Variants in PRR5L observed in about 807,000 individuals in gnomAD.
PRR5L encodes the protein proline-rich protein 5-like.
Under a neutral mutation model 36.4 loss-of-function variants are expected in PRR5L, and 21 were observed. That is an observed-to-expected ratio of 0.58 (90% confidence interval 0.41 to 0.83). PRR5L has a LOEUF of 0.83. PRR5L is among the 40% of genes least tolerant of loss of function. The pLI is 0.00. For missense variants in PRR5L, 381 were observed against 473.3 expected (o/e 0.80, Z 1.81); for synonymous variants, 188 against 197.0 (o/e 0.95, Z 0.38).
intron 5 of PRR5L, 115 bp from the exon 6 acceptor site, chr11:36,437,270 T>G: frequency 2.5e-6 from 2 of 808,838 alleles, no homozygotes; most frequent in South Asian, 1.3e-5. Context: ...TGGCTGCAAG[T>G]TTTTTAGCAT....
At position 36,464,922 on chromosome 11, in the gene PRR5L, G is replaced by A. The variant is rs977040255; in HGVS notation, c.*2186G>A. 5 of 152,058 alleles carry A rather than the reference G, an allele frequency of 3.3e-5. No homozygotes were observed. The highest frequency in any genetic ancestry group is 1.2e-4 in the African/African-American group (5 of 41,414). The allele number at this position is 152,058 out of a possible 1,614,324, so 9.4% of individuals were successfully genotyped here. ...AGCCAGTTTACAACTTTTTACCATC[G>A]ATGTACACATTTGATATTTGTGCAG... On this transcript the variant is annotated 3_prime_UTR_variant, in exon 9 of 9. Transcript: ENST00000530639.
At chr11:36,338,090 C>G (rs1442836405) in intron 1 of PRR5L, among the ~76,000 whole-genome samples, 1 of 152,146 alleles carries the variant, frequency 6.6e-6, no homozygotes, top group Non-Finnish European at 1.5e-5. Context: ...ACCCAGCTAC[C>G]AGTAAGGCTG....
In PRR5L at chr11:36,454,176, G is replaced by A. The variant is rs11033627; in HGVS notation, c.712+2841G>A. On this transcript the variant is annotated intron_variant, in intron 8 of 8. Coordinates refer to ENST00000530639, the MANE Select transcript of PRR5L (RefSeq NM_001160167.2). ...TATCAGCTGCCCCACATGCTCTACC[G>A]CCACCCCCACCCCCACTGACCGCTG... is the stretch of plus-strand genomic sequence containing the variant. 528 of 152,278 alleles carry A rather than the reference G, an allele frequency of 3.5e-3. 1 individual carries two copies. Among genetic ancestry groups the A allele is most frequent in the Non-Finnish European group, 3.9e-3 (263 of 68,222 alleles). The allele number at this position is 152,278 out of a possible 1,614,324, so 9.4% of individuals were successfully genotyped here.
chr11:36,437,336 C>T (rs570027538), intron 5 of PRR5L, 49 bp from the exon 6 acceptor site: 35 of 1,216,192 alleles, frequency 2.9e-5, no homozygotes, highest in Middle Eastern at 3.8e-4. Context: ...CAAGTAATGA[C>T]GAATTCTTTT....
At chr11:36,365,971 A>G (rs1322414212) in intron 1 of PRR5L, among the ~76,000 whole-genome samples, 1 of 152,208 alleles carries the variant, frequency 6.6e-6, no homozygotes, top group African/African-American at 2.4e-5. Flanking sequence ...TCCTCTGTTC[A>G]CTTTCTGCTC....
chr11:36,358,641 C>T lies in PRR5L; in HGVS notation c.-125-42356C>T, dbSNP rs147609271. 5.3e-5 allele frequency among the ~76,000 whole-genome samples: 8 copies of T among 152,156 alleles called. No individual in the cohort carries two copies. The East Asian group carries it at 1.5e-3, about 29-fold the overall frequency. Reference sequence around the variant, plus strand: ...TTCACTTTATTGCTATGGTCTGGAACCAAACCTGCAATATCTCCAAGGTAC... The same window carrying T: ...TTCACTTTATTGCTATGGTCTGGAATCAAACCTGCAATATCTCCAAGGTAC... On this transcript the variant is annotated intron_variant, in intron 1 of 8. Transcript: ENST00000530639.
intron 1 of PRR5L, among the ~76,000 whole-genome samples, chr11:36,299,045 A>C (rs1856345184): frequency 6.6e-6 from 1 of 152,164 alleles, no homozygotes; most frequent in East Asian, 1.9e-4. Flanking sequence ...TCATCATATA[A>C]ATTTTGGGAG....
intron 1 of PRR5L, chr11:36,349,825 C>T (rs900992292): frequency 6.6e-6 from 1 of 152,202 alleles, no homozygotes; most frequent in Non-Finnish European, 1.5e-5. Context: ...TACTGCTCTC[C>T]TAGCTGCAGG....
chr11:36,420,326 G>A (rs1052073356), intron 4 of PRR5L, among the ~76,000 whole-genome samples: 1 of 152,218 alleles, frequency 6.6e-6, no homozygotes, highest in Non-Finnish European at 1.5e-5. Flanking sequence ...TACGTAGTGT[G>A]TAGGGGGGCA....
At chr11:36,440,824 G>A (rs578238342) in intron 6 of PRR5L, among the ~76,000 whole-genome samples, 2 of 152,320 alleles carry the variant, frequency 1.3e-5, no homozygotes, top group African/African-American at 4.8e-5. Flanking sequence ...CAACAGGGGA[G>A]CCAGTGTATC....
intron 1 of PRR5L, among the ~76,000 whole-genome samples, chr11:36,310,975 A>ACAGAG (rs1245072611): frequency 7.1e-6 from 1 of 140,440 alleles, no homozygotes; most frequent in Non-Finnish European, 1.5e-5. Context: ...CTGCCTGGTG[A>ACAGAG]CAGAGTGAGA....
rs550901713 is a variant in PRR5L at position 36,344,783 on chromosome 11, G to A, written c.-126+48345G>A. Among the ~76,000 whole-genome samples, 1 of 152,256 alleles carries A rather than the reference G, an allele frequency of 6.6e-6. No homozygotes were observed. The highest frequency in any genetic ancestry group is 2.4e-5 in the African/African-American group (1 of 41,548). ...TGAGGATTCTGACTGAGAATGAACT[G>A]ACCAGCCATCAGGTTTAATTAGTGC... On this transcript the variant is annotated intron_variant, in intron 1 of 8. Coordinates refer to ENST00000530639, the MANE Select transcript of PRR5L (RefSeq NM_001160167.2). This position sits in a 1 kb window ranked among gnomAD's most constrained non-coding sequence, Gnocchi z 4.1.
chr11:36,401,333 G>A, intron 2 of PRR5L, 48 bp downstream of exon 2: 1 of 1,579,012 alleles, frequency 6.3e-7, no homozygotes, highest in South Asian at 1.1e-5. Context: ...AAGGGCCATG[G>A]CAGGGAGGGA....
At chr11:36,412,157 A>G (rs1428874321) in intron 3 of PRR5L, among the ~76,000 whole-genome samples, 1 of 152,178 alleles carries the variant, frequency 6.6e-6, no homozygotes, top group Non-Finnish European at 1.5e-5. Flanking sequence ...GCCAGGATGC[A>G]GAGCCAGGCA....
intron 1 of PRR5L, among the ~76,000 whole-genome samples, chr11:36,345,888 TA>T (rs1344475208): frequency 6.6e-6 from 1 of 152,210 alleles, no homozygotes; most frequent in African/African-American, 2.4e-5. Flanking sequence ...TTCTGTTTCC[TA>T]AAAGTATAAT....
rs565630307 is a variant in PRR5L at position 36,391,864 on chromosome 11, T to C, written c.-125-9133T>C. Among the ~76,000 whole-genome samples the C allele has an allele frequency of 1.8e-4, 28 of 152,380 alleles. 1 individual carries two copies. The South Asian group carries it at 5.0e-3, about 27-fold the overall frequency. ...TTATATTCTTAGTTATTTTAAAATA[T>C]AGTTGACTGTAGTCACCCTATTGTG... On this transcript the variant is annotated intron_variant, in intron 1 of 8. Coordinates refer to ENST00000530639, the MANE Select transcript of PRR5L (RefSeq NM_001160167.2).
intron 1 of PRR5L, chr11:36,380,376 C>T (rs1857347439): frequency 6.6e-6 from 1 of 151,944 alleles, no homozygotes. Context: ...CCTCCCGATG[C>T]CTTCTGCTGC....
In PRR5L at chr11:36,342,092, TG is replaced by T. The variant is rs550493096; in HGVS notation, c.-126+45657del. ...ACGTCTTGATGGAGGCAGATCTTTT[TG>T]GGAGGATACAGCAGACTCAAGGTGG... On this transcript the variant is annotated intron_variant, in intron 1 of 8. Transcript: ENST00000530639. Among the ~76,000 whole-genome samples, 33 of 152,254 alleles carry T rather than the reference TG, an allele frequency of 2.2e-4. No homozygotes were observed. In the East Asian group the frequency reaches 5.6e-3, roughly 26 times the overall value.
At chr11:36,390,444 C>T (rs540151388) in intron 1 of PRR5L, among the ~76,000 whole-genome samples, 1 of 152,180 alleles carries the variant, frequency 6.6e-6, no homozygotes, top group Admixed American at 6.5e-5. Context: ...TTGAAGGCAT[C>T]GCAGCAAAGA....
Sources: gnomAD v4.1 joint callset for allele counts (sites outside exome capture counted in the v4.1 genomes callset) on GRCh38, gnomAD v4.1.1 for gene constraint, Gnocchi (gnomAD v3.1) non-coding constraint, MANE v1.5 for transcripts, NCBI Gene and HGNC (gene_info 2026-07-23, HGNC 2026-07-21) for gene names.